The following FBXL13 variants were observed in gnomAD, a reference collection of about 807,000 sequenced individuals.
FBXL13 encodes the protein F-box and leucine-rich repeat protein 13.
A neutral mutation model predicts 83.6 loss-of-function variants in FBXL13; 67 were observed. The observed-to-expected ratio is 0.80, with a 90% CI of 0.66 to 0.98. The LOEUF is 0.98. FBXL13 is among the 50% of genes least tolerant of loss of function. FBXL13 has a pLI of 0.00. For missense variants in FBXL13, 822 were observed against 866.5 expected (o/e 0.95, Z 0.64); for synonymous variants, 272 against 299.5 (o/e 0.91, Z 0.95).
At chr7:102,924,740 C>T (rs1033811250) in intron 10 of FBXL13, among the ~76,000 whole-genome samples, 1 of 146,320 alleles carries the variant, frequency 6.8e-6, no homozygotes, top group Non-Finnish European at 1.5e-5. Flanking sequence ...CTCCTGGGTT[C>T]ATGCCATTCT....
At chr7:102,994,653 T>C (rs1829911035) in intron 6 of FBXL13, among the ~76,000 whole-genome samples, 3 of 152,330 alleles carry the variant, frequency 2.0e-5, no homozygotes, top group South Asian at 4.1e-4. Context: ...TTCGCTTTTA[T>C]AGTTAAAATT....
At chr7:102,879,391 C>T (rs1450587814) in intron 14 of FBXL13, among the ~76,000 whole-genome samples, 2 of 151,428 alleles carry the variant, frequency 1.3e-5, no homozygotes, top group South Asian at 2.1e-4. Flanking sequence ...CATCAACCTT[C>T]CACCTATAAG....
exon 15 of FBXL13, chr7:102,878,341 G>C: frequency 6.2e-7 from 1 of 1,602,782 alleles, no homozygotes; most frequent in Non-Finnish European, 8.5e-7. Flanking sequence ...CGCTCAGATA[G>C]TTTCATAACA....
chr7:102,845,278 A>C (rs1369541119), intron 17 of FBXL13, among the ~76,000 whole-genome samples: 1 of 152,214 alleles, frequency 6.6e-6, no homozygotes, highest in East Asian at 1.9e-4. Flanking sequence ...TACACCCAGG[A>C]AACTCCAAGG....
At chr7:102,932,994 T>G (rs1326248239) in intron 8 of FBXL13, 1 of 152,250 alleles carries the variant, frequency 6.6e-6, no homozygotes, top group Admixed American at 6.5e-5. Context: ...TTAAGGAGTT[T>G]ACTTTCTAGC....
At chr7:102,885,598 G>A (rs1014187821) in intron 11 of FBXL13, among the ~76,000 whole-genome samples, 20 of 151,902 alleles carry the variant, frequency 1.3e-4, no homozygotes, top group African/African-American at 4.1e-4. Context: ...CATGTACTTC[G>A]ATGCATAAAC....
intron 8 of FBXL13, among the ~76,000 whole-genome samples, chr7:102,956,013 A>G (rs139793449): frequency 0.02 from 3,069 of 152,264 alleles, 91 homozygotes; most frequent in African/African-American, 0.07. Context: ...AAAAGAGGGA[A>G]TCCTCCCTAA....
intron 5 of FBXL13, among the ~76,000 whole-genome samples, chr7:103,025,772 G>GTGTA (rs1010266582): frequency 2.6e-5 from 4 of 151,902 alleles, no homozygotes; most frequent in South Asian, 2.1e-4. Flanking sequence ...ATGTGTATGT[G>GTGTA]TGTATGTATG....
At chr7:103,014,719 C>A (rs1585361774) in intron 6 of FBXL13, among the ~76,000 whole-genome samples, 1 of 151,720 alleles carries the variant, frequency 6.6e-6, no homozygotes, top group South Asian at 2.1e-4. Context: ...GTCAGGAGAT[C>A]GAGACCATCC....
chr7:103,069,692 C>T (rs1180872630), intron 1 of FBXL13, among the ~76,000 whole-genome samples: 1 of 152,178 alleles, frequency 6.6e-6, no homozygotes, highest in Non-Finnish European at 1.5e-5. Flanking sequence ...GTACCCTATA[C>T]AGAGGAAAGG....
Position 102,874,695 on chromosome 7 carries a change from T to C in FBXL13, c.1635+2772A>G, listed in dbSNP as rs918975829. ...TACTCCCACCTGTCAGCCTCCTGAG[T>C]AGCTGGGTCTATAGGTGCACATCAC... On this transcript the variant is annotated intron_variant, in intron 16 of 19. Transcript: ENST00000313221. 1.4e-4 allele frequency among the ~76,000 whole-genome samples: 22 copies of C among 152,182 alleles called. No individual in the cohort carries two copies. The East Asian group carries it at 3.5e-3, about 24-fold the overall frequency.
intron 16 of FBXL13, among the ~76,000 whole-genome samples, chr7:102,855,975 A>ATG (rs1805993936): frequency 6.6e-6 from 1 of 151,280 alleles, no homozygotes; most frequent in Admixed American, 6.6e-5. Context: ...ATTTCTTTTA[A>ATG]TGGTATTGCA....
At chr7:102,871,802 G>A (rs762013387) in intron 16 of FBXL13, among the ~76,000 whole-genome samples, 14 of 151,792 alleles carry the variant, frequency 9.2e-5, no homozygotes, top group African/African-American at 2.7e-4. Context: ...AAGTTCTTTC[G>A]GTTTTAGCTA....
At chr7:103,066,039 G>C (rs1174642772) in intron 1 of FBXL13, among the ~76,000 whole-genome samples, 1 of 152,188 alleles carries the variant, frequency 6.6e-6, no homozygotes, top group East Asian at 1.9e-4. Flanking sequence ...CACTGACAAG[G>C]CTTAACAACA....
chr7:103,055,294 C>T (rs1585585882), intron 2 of FBXL13, 116 bp from the exon 3 acceptor site: 7 of 513,880 alleles, frequency 1.4e-5, no homozygotes, highest in Non-Finnish European at 2.1e-5. Flanking sequence ...AACACATTTC[C>T]CCTTAGGAGA....
chr7:102,886,474 C>A (rs1018295376), intron 11 of FBXL13, among the ~76,000 whole-genome samples: 3 of 152,228 alleles, frequency 2.0e-5, no homozygotes, highest in Non-Finnish European at 4.4e-5. Context: ...AGCCCCAGGA[C>A]AACCAGAGCT....
rs538962962 is a variant in FBXL13 at position 102,893,998 on chromosome 7, A to G, written c.1009-9686T>C. 3.5e-3 allele frequency among the ~76,000 whole-genome samples: 531 copies of G among 150,168 alleles called. 5 individuals carry two copies. The highest frequency in any genetic ancestry group is 0.017 in the South Asian group (80 of 4,782). ...AGAAAGAAAGAGGAAAGAAAGAAAG[A>G]GGAAAGAAAAGAAAGAGGAAAGAAA... On this transcript the variant is annotated intron_variant, in intron 11 of 19. Transcript: ENST00000313221.
chr7:102,819,799 G>T (rs978365236), intron 19 of FBXL13, among the ~76,000 whole-genome samples: 16 of 152,188 alleles, frequency 1.1e-4, no homozygotes, highest in African/African-American at 3.4e-4. Flanking sequence ...GTGAGCATAG[G>T]TAAGGGATTA....
At chr7:103,068,363 C>A (rs778799859) in intron 1 of FBXL13, among the ~76,000 whole-genome samples, 13 of 152,102 alleles carry the variant, frequency 8.5e-5, no homozygotes, top group Admixed American at 2.0e-4. Context: ...AAATGGGGAG[C>A]CAAGGAAGAC....
Sources: allele counts gnomAD v4.1 joint callset (sites outside exome capture counted in the v4.1 genomes callset), GRCh38; gene constraint gnomAD v4.1.1; transcripts MANE v1.5; gene names NCBI Gene and HGNC (gene_info 2026-07-23, HGNC 2026-07-21).